Variants in CDKAL1 observed in about 807,000 individuals in gnomAD.
The protein encoded by CDKAL1 is CDKAL1 threonylcarbamoyladenosine tRNA methylthiotransferase.
In CDKAL1, 32 loss-of-function variants were observed where a neutral mutation model predicts 68.2. That is an observed-to-expected ratio of 0.47 (90% CI 0.35 to 0.63). CDKAL1 has a LOEUF of 0.63. Ranked by LOEUF, CDKAL1 falls within the 30% of genes least tolerant of loss-of-function variation. The pLI is 0.00. For synonymous variants in CDKAL1, 234 were observed against 244.3 expected, an observed-to-expected ratio of 0.96 and a Z score of 0.39; for missense variants, 606 against 696.7, an observed-to-expected ratio of 0.87 and a Z score of 1.47.
At chr6:21,220,656 G>C (rs1779508700) in intron 15 of CDKAL1, among the ~76,000 whole-genome samples, 1 of 152,156 alleles carries the variant, frequency 6.6e-6, no homozygotes, top group African/African-American at 2.4e-5. Context: ...ACTATTATAA[G>C]CTCATTTGAG....
At chr6:21,084,958 A>G (rs1309259048) in intron 12 of CDKAL1, among the ~76,000 whole-genome samples, 1 of 152,246 alleles carries the variant, frequency 6.6e-6, no homozygotes, top group Non-Finnish European at 1.5e-5. Flanking sequence ...GTCAAATACT[A>G]TTAAAATGAA....
chr6:20,873,840 C>T (rs1455932082), intron 9 of CDKAL1, among the ~76,000 whole-genome samples: 2 of 152,090 alleles, frequency 1.3e-5, no homozygotes, highest in African/African-American at 2.4e-5. Context: ...TCTTAACTTC[C>T]AAGAGGTCCT....
rs746829526 is a variant in CDKAL1, at chr6:20,838,667, C to G, written c.639-7408C>G. Among the ~76,000 whole-genome samples the G allele has an allele frequency of 5.9e-5, 9 of 152,208 alleles. 1 individual carries two copies. The South Asian group carries it at 1.0e-3, about 18-fold the overall frequency. ...AGTAAGCTGCTAGCTACAAATAGAA[C>G]ACATTGAAAATCCAACTGGAGAGGC... On this transcript the variant is annotated intron_variant, in intron 8 of 15. Transcript: ENST00000274695.
intron 10 of CDKAL1, among the ~76,000 whole-genome samples, chr6:20,956,202 C>T (rs1269149240): frequency 1.3e-5 from 2 of 152,178 alleles, no homozygotes; most frequent in African/African-American, 4.8e-5. Context: ...CCTTGTTTTT[C>T]ACTTATCAAC....
intron 13 of CDKAL1, among the ~76,000 whole-genome samples, chr6:21,148,802 AG>A (rs1209546328): frequency 9.2e-5 from 14 of 152,340 alleles, no homozygotes; most frequent in African/African-American, 3.1e-4. Context: ...GGAATAGGCA[AG>A]ACACAAGGCA....
intron 13 of CDKAL1, among the ~76,000 whole-genome samples, chr6:21,192,363 G>T (rs1408053985): frequency 1.3e-5 from 2 of 152,130 alleles, no homozygotes; most frequent in Non-Finnish European, 2.9e-5. Context: ...ACGTTAAAAT[G>T]ATGAAATGAA....
chr6:20,882,256 G>A (rs189484512), intron 9 of CDKAL1, among the ~76,000 whole-genome samples: 11 of 152,242 alleles, frequency 7.2e-5, no homozygotes, highest in Admixed American at 4.6e-4. Flanking sequence ...GATTCCAAAT[G>A]AACTCCACAG....
chr6:20,546,475 A>T lies in CDKAL1; in HGVS notation c.125A>T (p.Asn42Ile). 6.2e-7 allele frequency: 1 copy of T among 1,614,168 alleles called. No individual in the cohort carries two copies. The highest frequency in any genetic ancestry group is 8.5e-7 in the Non-Finnish European group (1 of 1,180,014). Reference sequence around the variant, plus strand: ...GTTGTCCCGAAGGTACGAAGGCGAAATACCCAAAAATATTTGCAAGAGGAA... The same window carrying T: ...GTTGTCCCGAAGGTACGAAGGCGAATTACCCAAAAATATTTGCAAGAGGAA... Reference protein sequence around the residue: ...KDVVPKVRRRNTQKYLQEEEN... With the variant: ...KDVVPKVRRRITQKYLQEEEN... Residue 42 changes from asparagine to isoleucine, a missense_variant, in exon 3 of 16, where the codon AAT becomes ATT. Transcript: ENST00000274695.
At chr6:20,947,856 G>A (rs888159462) in intron 9 of CDKAL1, among the ~76,000 whole-genome samples, 2 of 152,048 alleles carry the variant, frequency 1.3e-5, no homozygotes, top group East Asian at 3.8e-4. Context: ...TACTGAATGC[G>A]TATCGCTTTC....
intron 9 of CDKAL1, among the ~76,000 whole-genome samples, chr6:20,848,285 T>TG (rs1304184327): frequency 2.0e-5 from 3 of 148,078 alleles, no homozygotes; most frequent in Admixed American, 6.7e-5. Context: ...AGTTGTTTTT[T>TG]TTTTTTTTCC....
At chr6:20,644,951 A>T (rs1283571433) in intron 4 of CDKAL1, among the ~76,000 whole-genome samples, 2 of 152,244 alleles carry the variant, frequency 1.3e-5, no homozygotes, top group Non-Finnish European at 2.9e-5. Flanking sequence ...AGCCTATGAC[A>T]TATCTAGGCC....
intron 9 of CDKAL1, among the ~76,000 whole-genome samples, chr6:20,938,489 T>C (rs1763827801): frequency 1.3e-5 from 2 of 152,222 alleles, no homozygotes; most frequent in South Asian, 4.1e-4. Flanking sequence ...AACTGATAGA[T>C]AGCCAGTGCA....
intron 5 of CDKAL1, among the ~76,000 whole-genome samples, chr6:20,658,396 A>G (rs1363174258): frequency 2.0e-5 from 3 of 152,220 alleles, no homozygotes; most frequent in African/African-American, 7.2e-5. Context: ...TAATTACTTG[A>G]AACGACAATT....
intron 5 of CDKAL1, among the ~76,000 whole-genome samples, chr6:20,701,037 G>A (rs1484561458): frequency 6.6e-6 from 1 of 151,900 alleles, no homozygotes; most frequent in Non-Finnish European, 1.5e-5. Context: ...TATTTTTCAA[G>A]GTCTTTGTAG....
intron 8 of CDKAL1, among the ~76,000 whole-genome samples, chr6:20,812,688 A>G (rs1444492369): frequency 6.6e-6 from 1 of 152,186 alleles, no homozygotes; most frequent in African/African-American, 2.4e-5. Flanking sequence ...CTAGATTGTT[A>G]GATTCATTTG....
At chr6:20,778,274 G>C (rs1246268589) in intron 7 of CDKAL1, among the ~76,000 whole-genome samples, 35 of 152,076 alleles carry the variant, frequency 2.3e-4, no homozygotes. Flanking sequence ...GAAAAAACTG[G>C]ATAAATTGAA....
chr6:20,578,255 T>A (rs2127686216), intron 4 of CDKAL1, among the ~76,000 whole-genome samples: 1 of 152,290 alleles, frequency 6.6e-6, no homozygotes, highest in African/African-American at 2.4e-5. Context: ...TTCCCATTTA[T>A]GCACCTATGT....
chr6:21,074,736 G>T (rs994571096), intron 12 of CDKAL1, among the ~76,000 whole-genome samples: 3 of 152,098 alleles, frequency 2.0e-5, no homozygotes, highest in Non-Finnish European at 4.4e-5. Context: ...TATGAAACTA[G>T]AATTCACTAA....
At chr6:20,870,187 T>C (rs2150539553) in intron 9 of CDKAL1, among the ~76,000 whole-genome samples, 1 of 152,294 alleles carries the variant, frequency 6.6e-6, no homozygotes, top group Middle Eastern at 3.4e-3. Context: ...TGTTTGTCAG[T>C]GTAGTGCCAC....
Sources: allele counts gnomAD v4.1 joint callset (sites outside exome capture counted in the v4.1 genomes callset), GRCh38; gene constraint gnomAD v4.1.1; transcripts MANE v1.5; gene names NCBI Gene and HGNC (gene_info 2026-07-23, HGNC 2026-07-21).